The following RP1L1 variants were observed in gnomAD, a reference collection of about 807,000 sequenced individuals.
RP1L1 encodes RP1 like 1, also known as retinitis pigmentosa 1-like 1 protein.
In RP1L1, 27 loss-of-function variants were observed where a neutral mutation model predicts 15.7. The observed-to-expected ratio is 1.72, with a 90% CI of 1.27 to 2.38. The LOEUF (loss-of-function observed/expected upper bound fraction) is 2.38, where lower values mean the gene tolerates loss of function less well. RP1L1 is among the 30% of genes most tolerant of loss of function. RP1L1 has a pLI of 0.00. For synonymous variants in RP1L1, 1,813 were observed against 1,276.7 expected, an observed-to-expected ratio of 1.42 and a Z score of -8.96; for missense variants, 4,798 against 3,075.9, an observed-to-expected ratio of 1.56 and a Z score of -13.24.
At chr8:10,637,651 G>A (rs1350738560) in intron 1 of RP1L1, among the ~76,000 whole-genome samples, 1 of 152,134 alleles carries the variant, frequency 6.6e-6, no homozygotes, top group African/African-American at 2.4e-5. Flanking sequence ...CTTGATATAT[G>A]CTGGACACTC....
chr8:10,654,667 A>G (rs1426263198), intron 1 of RP1L1, among the ~76,000 whole-genome samples: 1 of 152,222 alleles, frequency 6.6e-6, no homozygotes, highest in Non-Finnish European at 1.5e-5. Context: ...CAACGAGCAG[A>G]AACCTGAAAC....
Position 10,609,855 on chromosome 8 carries a change from A to G in RP1L1, c.4243T>C (p.Ser1415Pro), listed in dbSNP as rs1797796722. Residue 1415 changes from serine (S) to proline (P), a missense_variant, in exon 4 of 4, where the codon TCT becomes CCT. Ser to Pro is a moderately conservative substitution (Grantham distance 74, BLOSUM62 -1). Transcript: ENST00000382483. ...TCCTGGGAGCCTTTCCCATCCGGAG[A>G]GCTGGCCTCTGACAATTCCTGCCCG... ...VHGQELSEAS[S>P]PDGKGSQEDD... The G allele has an allele frequency of 6.2e-7, 1 of 1,613,840 alleles. No homozygotes were observed. Among genetic ancestry groups the G allele is most frequent in the Non-Finnish European group, 8.5e-7 (1 of 1,180,004 alleles).
In RP1L1 at chr8:10,647,706, T is replaced by A. The variant is rs748427830; in HGVS notation, c.-20+7192A>T. ...TAGGGCTGAATAATATTCCACCTCA[T>A]GTATATGCCAGTGTTTGTGTTTATC... On this transcript the variant is annotated intron_variant, in intron 1 of 3. Coordinates refer to ENST00000382483, the MANE Select transcript of RP1L1 (RefSeq NM_178857.6). 6.5e-4 allele frequency among the ~76,000 whole-genome samples: 99 copies of A among 152,378 alleles called. 2 individuals carry two copies. The highest frequency in any genetic ancestry group is 6.8e-3 in the Middle Eastern group (2 of 294).
intron 1 of RP1L1, among the ~76,000 whole-genome samples, chr8:10,653,574 G>A (rs1268432676): frequency 6.6e-6 from 1 of 150,986 alleles, no homozygotes; most frequent in African/African-American, 2.4e-5. Flanking sequence ...GCACACTCAT[G>A]TGCACACACC....
At chr8:10,654,702 A>G (rs1297337606) in intron 1 of RP1L1, among the ~76,000 whole-genome samples, 196 bp downstream of exon 1, 1 of 152,208 alleles carries the variant, frequency 6.6e-6, no homozygotes, top group Non-Finnish European at 1.5e-5. Context: ...TTTAAACATG[A>G]TCTGCTCCCA....
Position 10,609,406 on chromosome 8 carries a change from C to T in RP1L1, c.4692G>A (p.Val1564=), listed in dbSNP as rs140493813. The T allele has an allele frequency of 1.9e-4, 311 of 1,612,430 alleles. 1 individual carries two copies. The African/African-American group carries it at 3.9e-3, about 20-fold the overall frequency. ...TGGTGCTGTCCTGGAGGCGTTGGGC[C>T]ACGTCCTGCTGCAGCTCGGCCGCCA... ...DQMAAELQQD[V]AQRLQDSTKR... The change falls in exon 4 of 4, where the codon GTG becomes GTA. Residue 1564 remains valine (V), a synonymous_variant. Transcript: ENST00000382483.
Position 10,612,104 on chromosome 8 carries a change from G to C in RP1L1, c.1994C>G (p.Pro665Arg), listed in dbSNP as rs777265390. ...GLGRVAPRGH[P>R]RHSHYRKDTH... is the part of the protein sequence containing the mutation. ...GTCCTTGCGGTAGTGAGAATGCCTGGGATGGCCTCTCGGGGCCACTCGGCC... is the reference window on the plus strand; with the variant it reads ...GTCCTTGCGGTAGTGAGAATGCCTGCGATGGCCTCTCGGGGCCACTCGGCC... The change falls in exon 4 of 4, where the codon CCC becomes CGC. Residue 665 changes from proline (P) to arginine (R), a missense_variant. Transcript: ENST00000382483. 1.2e-6 allele frequency: 2 copies of C among 1,613,818 alleles called. No homozygotes were observed. The highest frequency in any genetic ancestry group is 1.7e-6 in the Non-Finnish European group (2 of 1,180,040).
chr8:10,644,334 C>A (rs1798446323), intron 1 of RP1L1, among the ~76,000 whole-genome samples: 1 of 151,956 alleles, frequency 6.6e-6, no homozygotes. Flanking sequence ...TCTAGAGAAT[C>A]TGCCCATGCT....
intron 1 of RP1L1, among the ~76,000 whole-genome samples, chr8:10,638,762 C>T (rs982781039): frequency 2.6e-5 from 4 of 152,106 alleles, no homozygotes; most frequent in Non-Finnish European, 5.9e-5. Flanking sequence ...CGGAGGGACA[C>T]AGATAAAACC....
intron 3 of RP1L1, among the ~76,000 whole-genome samples, chr8:10,616,126 G>A (rs1797960717): frequency 6.6e-6 from 1 of 151,944 alleles, no homozygotes; most frequent in African/African-American, 2.4e-5. Flanking sequence ...CCAGGCGGGT[G>A]TCCAACTCCT....
chr8:10,648,350 G>T (rs947201040), intron 1 of RP1L1, among the ~76,000 whole-genome samples: 4 of 152,074 alleles, frequency 2.6e-5, no homozygotes, highest in South Asian at 2.1e-4. Context: ...GGGTTTTTTT[G>T]TTTGTTTGTT....
intron 1 of RP1L1, among the ~76,000 whole-genome samples, chr8:10,635,670 C>T (rs185880417): frequency 2.0e-5 from 3 of 152,176 alleles, no homozygotes; most frequent in Non-Finnish European, 2.9e-5. Flanking sequence ...TTCCTTCCCT[C>T]GTGACACAGA....
rs774530821 is a variant in RP1L1 at position 10,613,049 on chromosome 8, G to T, written c.1049C>A (p.Thr350Lys). 3.5e-5 allele frequency: 56 copies of T among 1,613,470 alleles called. No homozygotes were observed. Among genetic ancestry groups the T allele is most frequent in the Non-Finnish European group, 4.4e-5 (52 of 1,180,034 alleles). The change falls in exon 4 of 4, where the codon ACG (threonine) becomes AAG (lysine). Residue 350 changes from threonine (T) to lysine (K), a missense_variant. Thr to Lys is a moderately conservative substitution (Grantham distance 78). Coordinates refer to ENST00000382483, the MANE Select transcript of RP1L1 (RefSeq NM_178857.6). ...SRRMGRASAL[T>K]AASGEDPVLG... ...AACGGGGTCTTCCCCACTGGCTGCC[G>T]TGAGGGCGCTGGCCCTGCCCATCCT...
At chr8:10,644,609 G>A (rs1798450275) in intron 1 of RP1L1, among the ~76,000 whole-genome samples, 1 of 152,164 alleles carries the variant, frequency 6.6e-6, no homozygotes, top group African/African-American at 2.4e-5. Flanking sequence ...CTGGACCTCA[G>A]CTCTTTAGTC....
At chr8:10,652,266 C>G (rs757016636) in intron 1 of RP1L1, among the ~76,000 whole-genome samples, 2 of 152,142 alleles carry the variant, frequency 1.3e-5, no homozygotes, top group Non-Finnish European at 2.9e-5. Flanking sequence ...GATCAAGAAG[C>G]AGGGACTGTA....
At chr8:10,619,781 C>A (rs7464597) in intron 2 of RP1L1, among the ~76,000 whole-genome samples, 4,528 of 148,396 alleles carry the variant, frequency 0.031, 73 homozygotes, top group Middle Eastern at 0.075. Flanking sequence ...ACAAAAAAAA[C>A]CCAAAACAAA....
rs775111553 is a variant in RP1L1 at position 10,609,570 on chromosome 8, C to T, written c.4528G>A (p.Ala1510Thr). The change falls in exon 4 of 4, where the codon GCG (alanine) becomes ACG (threonine). Residue 1510 changes from alanine (A) to threonine (T), a missense_variant. By Grantham distance (58) the Ala-to-Thr change is moderately conservative (BLOSUM62 0). Coordinates refer to ENST00000382483, the MANE Select transcript of RP1L1 (RefSeq NM_178857.6). ...AERSSSVACS[A>T]ALDCDPIWVS... ...CAGATGGGGTCGCAGTCCAGAGCCG[C>T]GCTGCAGGCCACCGAAGAGCTCCTC... is the stretch of plus-strand genomic sequence containing the variant. The T allele has an allele frequency of 2.1e-5, 34 of 1,603,344 alleles. No homozygotes were observed. The highest frequency in any genetic ancestry group is 1.2e-4 in the Admixed American group (7 of 59,880).
At position 10,653,835 on chromosome 8, in the gene RP1L1, T is replaced by C. The variant is rs138953656; in HGVS notation, c.-20+1063A>G. Among the ~76,000 whole-genome samples, 1,390 of 152,270 alleles carry C rather than the reference T, an allele frequency of 9.1e-3. 17 individuals carry two copies. The highest frequency in any genetic ancestry group is 0.034 in the Middle Eastern group (10 of 294). ...TAAAGAACGATGTGGAGTGCACATC[T>C]TGAAGGTGTGTTCTCACTGTCTGAG... is the stretch of plus-strand genomic sequence containing the variant. On this transcript the variant is annotated intron_variant, in intron 1 of 3. Transcript: ENST00000382483.
intron 2 of RP1L1, among the ~76,000 whole-genome samples, chr8:10,616,805 T>G (rs574036012): frequency 1.3e-5 from 2 of 152,284 alleles, no homozygotes; most frequent in Non-Finnish European, 2.9e-5. Context: ...CCGCTCTAGC[T>G]ATACCCCTCC....
Sources: allele counts gnomAD v4.1 joint callset (sites outside exome capture counted in the v4.1 genomes callset), GRCh38; gene constraint gnomAD v4.1.1; transcripts MANE v1.5; gene names NCBI Gene and HGNC (gene_info 2026-07-23, HGNC 2026-07-21).